The following PAPSS2 variants were observed in gnomAD, a reference collection of about 807,000 sequenced individuals.
PAPSS2 encodes 3'-phosphoadenosine 5'-phosphosulfate synthase 2, also known as bifunctional 3'-phosphoadenosine 5'-phosphosulfate synthase 2.
Under a neutral mutation model 66.5 loss-of-function variants are expected in PAPSS2, and 61 were observed. The observed-to-expected ratio is 0.92, with a 90% CI of 0.75 to 1.14. The LOEUF is 1.14. Among genes scored for constraint, PAPSS2 ranks in the 50% most tolerant of loss-of-function variants. The pLI is 0.00. For missense variants in PAPSS2, 708 were observed against 789.6 expected (o/e 0.90, Z 1.24); for synonymous variants, 289 against 287.5 (o/e 1.01, Z -0.05).
chr10:87,737,529 A>T (rs1853815554), intron 9 of PAPSS2, among the ~76,000 whole-genome samples: 1 of 152,150 alleles, frequency 6.6e-6, no homozygotes, highest in African/African-American at 2.4e-5. Context: ...CACCCATTAA[A>T]CAACTCCCGC....
chr10:87,701,049 G>A (rs1026797110), intron 1 of PAPSS2, among the ~76,000 whole-genome samples: 11 of 151,650 alleles, frequency 7.3e-5, no homozygotes, highest in Non-Finnish European at 1.3e-4. Flanking sequence ...GAATATTTCT[G>A]TATATTCATA....
Position 87,745,950 on chromosome 10 carries a change from A to G in PAPSS2, c.1840A>G (p.Arg614Gly), listed in dbSNP as rs1853933219. 6.2e-7 allele frequency: 1 copy of G among 1,613,936 alleles called. No individual in the cohort carries two copies. The highest frequency in any genetic ancestry group is 8.5e-7 in the Non-Finnish European group (1 of 1,179,948). Residue 614 changes from arginine (R) to glycine (G), a missense_variant, in exon 13 of 13, where the codon AGG becomes GGG. Coordinates refer to ENST00000456849, the MANE Select transcript of PAPSS2 (RefSeq NM_001015880.2). Reference protein sequence around the residue: ...KAWKVLTDYYRSLEKN With the variant: ...KAWKVLTDYYGSLEKN ...ATGGAAGGTCCTGACAGATTATTAC[A>G]GGTCCCTGGAGAAGAACTAAGCCTT... is the stretch of plus-strand genomic sequence containing the variant.
intron 9 of PAPSS2, among the ~76,000 whole-genome samples, chr10:87,737,227 G>A (rs1354019603): frequency 1.3e-5 from 2 of 152,100 alleles, no homozygotes; most frequent in Non-Finnish European, 2.9e-5. Context: ...ACACTATGAA[G>A]ATGGTTCTTC....
chr10:87,679,328 C>T (rs1352251376), intron 1 of PAPSS2, among the ~76,000 whole-genome samples: 2 of 152,032 alleles, frequency 1.3e-5, no homozygotes, highest in East Asian at 3.9e-4. Flanking sequence ...GGTACAGATA[C>T]AATTAGATAA....
chr10:87,719,726 C>A (rs146735313), intron 7 of PAPSS2, among the ~76,000 whole-genome samples: 100 of 152,266 alleles, frequency 6.6e-4, no homozygotes, highest in African/African-American at 2.1e-3. Context: ...GAGTGCCCCC[C>A]ATGTGCCAGG....
intron 11 of PAPSS2, among the ~76,000 whole-genome samples, chr10:87,744,178 A>G (rs1267053654): frequency 6.6e-6 from 1 of 152,248 alleles, no homozygotes; most frequent in Non-Finnish European, 1.5e-5. Flanking sequence ...GAAGTTGGCA[A>G]GTGAATGAGG....
Position 87,735,296 on chromosome 10 carries a change from C to T in PAPSS2, c.1087-5939C>T, listed in dbSNP as rs144695303. Among the ~76,000 whole-genome samples, 9 of 152,284 alleles carry T rather than the reference C, an allele frequency of 5.9e-5. No homozygotes were observed. The East Asian group carries it at 1.7e-3, about 29-fold the overall frequency. ...GGATAGAGATGCCCCTTGTCCCTCC[C>T]CATCCCAGAAATGCCAAACACATAG... On this transcript the variant is annotated intron_variant, in intron 9 of 12. Coordinates refer to ENST00000456849, the MANE Select transcript of PAPSS2 (RefSeq NM_001015880.2).
At chr10:87,672,738 C>T (rs149757828) in intron 1 of PAPSS2, among the ~76,000 whole-genome samples, 1,832 of 152,212 alleles carry the variant, frequency 0.012, 29 homozygotes, top group Non-Finnish European at 0.018. Context: ...AATTTGGTCC[C>T]GTAGACCAGG....
intron 1 of PAPSS2, among the ~76,000 whole-genome samples, chr10:87,681,855 T>A (rs1853025744): frequency 6.6e-6 from 1 of 152,230 alleles, no homozygotes; most frequent in Non-Finnish European, 1.5e-5. Context: ...GATTCATTCA[T>A]GTTGCTGCAG....
chr10:87,745,909 T>C lies in PAPSS2; in HGVS notation c.1799T>C (p.Phe600Ser), dbSNP rs930250351. The C allele has an allele frequency of 4.3e-6, 7 of 1,614,060 alleles. No individual in the cohort carries two copies. Among genetic ancestry groups the C allele is most frequent in the Middle Eastern group, 3.3e-4 (2 of 6,060 alleles). Reference sequence around the variant, plus strand: ...GAAGGAGAGAATCCCCCAGATGGCTTCATGGCCCCCAAAGCATGGAAGGTC... The same window carrying C: ...GAAGGAGAGAATCCCCCAGATGGCTCCATGGCCCCCAAAGCATGGAAGGTC... ...AREGENPPDGFMAPKAWKVLT... is the reference protein window; with the variant it reads ...AREGENPPDGSMAPKAWKVLT... The change falls in exon 13 of 13, where the codon TTC becomes TCC. Residue 600 changes from phenylalanine to serine, a missense_variant. Coordinates refer to ENST00000456849, the MANE Select transcript of PAPSS2 (RefSeq NM_001015880.2).
intron 1 of PAPSS2, among the ~76,000 whole-genome samples, chr10:87,680,134 A>C (rs1853001356): frequency 1.3e-5 from 2 of 152,180 alleles, no homozygotes; most frequent in Non-Finnish European, 2.9e-5. Context: ...AAGAGCGAGA[A>C]CCCAAACAAA....
chr10:87,702,922 T>C (rs1374259480), intron 1 of PAPSS2, among the ~76,000 whole-genome samples: 1 of 152,128 alleles, frequency 6.6e-6, no homozygotes, highest in Non-Finnish European at 1.5e-5. Flanking sequence ...GTTACTTCTC[T>C]TGTAGTCACG....
At chr10:87,712,274 C>T (rs1038818751) in intron 2 of PAPSS2, among the ~76,000 whole-genome samples, 1 of 152,104 alleles carries the variant, frequency 6.6e-6, no homozygotes, top group Admixed American at 6.6e-5. Flanking sequence ...GGACAGCCTG[C>T]GGGCTCTGTA....
intron 4 of PAPSS2, 107 bp downstream of exon 4, chr10:87,714,289 T>C (rs747378784): frequency 8.2e-7 from 1 of 1,222,782 alleles, no homozygotes; most frequent in Admixed American, 1.7e-5. Context: ...TTTCCAAAAT[T>C]GCATATAACA....
chr10:87,715,190 TA>T (rs1325168777), intron 6 of PAPSS2, 92 bp downstream of exon 6: 4 of 764,794 alleles, frequency 5.2e-6, no homozygotes, highest in Non-Finnish European at 7.0e-6. Flanking sequence ...AAAGTATAAA[TA>T]AGGTGCACAT....
At chr10:87,670,109 A>T (rs1213824394) in intron 1 of PAPSS2, among the ~76,000 whole-genome samples, 1 of 152,270 alleles carries the variant, frequency 6.6e-6, no homozygotes, top group African/African-American at 2.4e-5. Flanking sequence ...TGGTAACATA[A>T]GGTGAATAAT....
rs117618191 is a variant in PAPSS2 at position 87,698,752 on chromosome 10, G to A, written c.28-10444G>A. ...CTTTTAAAACATGTTATCTCATGGA[G>A]GTGCACATCTGTAGTCATAGCTACT... On this transcript the variant is annotated intron_variant, in intron 1 of 12. Coordinates refer to ENST00000456849, the MANE Select transcript of PAPSS2 (RefSeq NM_001015880.2). Among the ~76,000 whole-genome samples, 621 of 152,248 alleles carry A rather than the reference G, an allele frequency of 4.1e-3. 5 individuals are homozygous for A. The highest frequency in any genetic ancestry group is 6.1e-3 in the Non-Finnish European group (415 of 68,024).
At chr10:87,665,440 T>C (rs1240597744) in intron 1 of PAPSS2, among the ~76,000 whole-genome samples, 1 of 152,216 alleles carries the variant, frequency 6.6e-6, no homozygotes, top group Non-Finnish European at 1.5e-5. Flanking sequence ...TTTGATCTCC[T>C]GACCTCGTGA....
intron 8 of PAPSS2, among the ~76,000 whole-genome samples, chr10:87,725,049 A>C (rs1411018891): frequency 1.3e-5 from 2 of 151,964 alleles, no homozygotes; most frequent in Non-Finnish European, 2.9e-5. Flanking sequence ...TTGTCTAATT[A>C]GGCCTTTGAC....
Sources: allele counts gnomAD v4.1 joint callset (sites outside exome capture counted in the v4.1 genomes callset), GRCh38; gene constraint gnomAD v4.1.1; transcripts MANE v1.5; gene names NCBI Gene and HGNC (gene_info 2026-07-23, HGNC 2026-07-21).